OSBPL10: variants seen among roughly 807,000 people sequenced by gnomAD.
OSBPL10 encodes the protein oxysterol-binding protein-related protein 10.
OSBPL10 carries 49 observed loss-of-function variants against 81.7 expected under a neutral mutation model. That is an observed-to-expected ratio of 0.60 (90% CI 0.48 to 0.76). OSBPL10 has a LOEUF of 0.76. Ranked by LOEUF, OSBPL10 falls within the 30% of genes least tolerant of loss-of-function variation. OSBPL10 has a pLI of 0.00. For missense variants in OSBPL10, 923 were observed against 987.8 expected, an observed-to-expected ratio of 0.93 and a Z score of 0.88; for synonymous variants, 419 against 383.6, an observed-to-expected ratio of 1.09 and a Z score of -1.08.
intron 1 of OSBPL10, among the ~76,000 whole-genome samples, chr3:31,948,521 C>T (rs555510150): frequency 2.6e-5 from 4 of 152,294 alleles, no homozygotes; most frequent in East Asian, 1.9e-4. Context: ...TGAATCTCCA[C>T]GACCACACTC....
At chr3:31,700,343 C>T (rs1437547597) in intron 7 of OSBPL10, 2 of 152,090 alleles carry the variant, frequency 1.3e-5, no homozygotes, top group African/African-American at 4.8e-5. Context: ...ACAGGAATAA[C>T]GTGAAGTCGC....
At chr3:31,720,881 C>CAAAAAAAAAAAAAAAAAA (rs61492992) in intron 6 of OSBPL10, among the ~76,000 whole-genome samples, 2 of 66,308 alleles carry the variant, frequency 3.0e-5, no homozygotes, top group Non-Finnish European at 5.7e-5. Flanking sequence ...GACTCTGTCT[C>CAAAAAAAAAAAAAAAAAA]AAAAAAAAAA....
intron 1 of OSBPL10, among the ~76,000 whole-genome samples, chr3:31,930,234 T>G (rs1252606938): frequency 6.6e-6 from 1 of 152,106 alleles, no homozygotes; most frequent in Non-Finnish European, 1.5e-5. Flanking sequence ...GGCCCCTTGA[T>G]GTATGAAAAC....
chr3:31,980,916 G>T lies in OSBPL10; in HGVS notation c.264C>A (p.Leu88=). 1 of 1,579,288 alleles carries T rather than the reference G, an allele frequency of 6.3e-7. No homozygotes were observed. The highest frequency in any genetic ancestry group is 8.6e-7 in the Non-Finnish European group (1 of 1,166,092). The part of the protein sequence containing the change: ...EGVLSKYTNL[L]QGWQNRYFVL... Reference sequence around the variant, plus strand: ...CGCGTTACCTGTTCTGCCAGCCCTGGAGGAGGTTGGTGTATTTGCTGAGCA... The same window carrying T: ...CGCGTTACCTGTTCTGCCAGCCCTGTAGGAGGTTGGTGTATTTGCTGAGCA... Residue 88 remains leucine (L), a synonymous_variant, in exon 1 of 12, where the codon CTC becomes CTA. Transcript: ENST00000396556.
At chr3:31,950,748 T>C (rs1370367265) in intron 1 of OSBPL10, among the ~76,000 whole-genome samples, 7 of 152,182 alleles carry the variant, frequency 4.6e-5, no homozygotes, top group Admixed American at 2.6e-4. Context: ...GTTCTCACTC[T>C]GTTAGTTCTG....
chr3:32,027,168 C>G (rs1699423429), intron 2 of OSBPL10, among the ~76,000 whole-genome samples: 1 of 152,066 alleles, frequency 6.6e-6, no homozygotes, highest in Non-Finnish European at 1.5e-5. Context: ...CCCTAATGCT[C>G]TCCCTCCCTT....
intron 2 of OSBPL10, among the ~76,000 whole-genome samples, chr3:32,020,244 C>G (rs1239702087): frequency 6.6e-6 from 1 of 152,192 alleles, no homozygotes; most frequent in Non-Finnish European, 1.5e-5. Flanking sequence ...GTTGTACAAT[C>G]GTCACCACAT....
chr3:31,922,157 T>C (rs1696935912), intron 1 of OSBPL10, among the ~76,000 whole-genome samples: 1 of 152,110 alleles, frequency 6.6e-6, no homozygotes, highest in African/African-American at 2.4e-5. Context: ...AAAAGGAACA[T>C]TGGATAAAAA....
chr3:31,665,274 A>G lies in OSBPL10; in HGVS notation c.2097-1042T>C, dbSNP rs563200571. ...ACCACCCAAGCACTTCCTCACTTAA[A>G]TGCATCAGAAGGTCGGATTTCACAG... On this transcript the variant is annotated intron_variant, in intron 10 of 11. Coordinates refer to ENST00000396556, the MANE Select transcript of OSBPL10 (RefSeq NM_017784.5). 3.0e-4 allele frequency among the ~76,000 whole-genome samples: 45 copies of G among 152,278 alleles called. No individual in the cohort carries two copies. The South Asian group carries it at 9.1e-3, about 31-fold the overall frequency.
At chr3:31,774,021 G>T (rs1340760428) in intron 4 of OSBPL10, among the ~76,000 whole-genome samples, 2 of 152,126 alleles carry the variant, frequency 1.3e-5, no homozygotes, top group African/African-American at 4.8e-5. Flanking sequence ...GATTAGCCGG[G>T]CGTGGTGGCA....
intron 4 of OSBPL10, among the ~76,000 whole-genome samples, chr3:31,827,362 C>T (rs942069716): frequency 6.6e-6 from 1 of 152,094 alleles, no homozygotes; most frequent in Non-Finnish European, 1.5e-5. Context: ...TCTGGCCAGC[C>T]GCAGTGGCTC....
intron 4 of OSBPL10, among the ~76,000 whole-genome samples, chr3:31,771,467 G>C (rs1041280812): frequency 2.0e-5 from 3 of 152,144 alleles, no homozygotes; most frequent in African/African-American, 7.2e-5. Flanking sequence ...TTTGAAGCAT[G>C]ACAAGATAAA....
chr3:31,778,683 T>C (rs1355524074), intron 4 of OSBPL10, among the ~76,000 whole-genome samples: 1 of 151,798 alleles, frequency 6.6e-6, no homozygotes, highest in Non-Finnish European at 1.5e-5. Flanking sequence ...GATCTAGACA[T>C]CCAAATACAA....
chr3:31,766,719 G>A (rs572369315), intron 4 of OSBPL10, among the ~76,000 whole-genome samples: 2 of 152,278 alleles, frequency 1.3e-5, no homozygotes, highest in East Asian at 3.9e-4. Flanking sequence ...CACAAGATTT[G>A]TAGGTCAACT....
chr3:31,847,617 G>A (rs916078565), intron 3 of OSBPL10, among the ~76,000 whole-genome samples: 1 of 152,072 alleles, frequency 6.6e-6, no homozygotes, highest in Admixed American at 6.6e-5. Context: ...CCAAATGAGT[G>A]GTTAAGACAT....
chr3:32,064,869 G>T (rs925184069), intron 1 of OSBPL10: 1 of 92,576 alleles, frequency 1.1e-5, no homozygotes, highest in Non-Finnish European at 2.9e-5. Context: ...GTGTTTTTTT[G>T]TTTTTTTCCC....
intron 1 of OSBPL10, among the ~76,000 whole-genome samples, chr3:31,899,356 G>A (rs1355772715): frequency 2.0e-5 from 3 of 151,876 alleles, no homozygotes; most frequent in African/African-American, 7.3e-5. Context: ...ATAAACAAAA[G>A]AATAAAAATG....
At position 32,054,306 on chromosome 3, in the gene OSBPL10, G is replaced by A. The variant is rs75203906; in HGVS notation, n.186-7703C>T. Reference sequence around the variant, plus strand: ...CCTAAAGTCCAAAAGAGACATATTTGGCTTATTTGGTATAAAAATCACACA... The same window carrying A: ...CCTAAAGTCCAAAAGAGACATATTTAGCTTATTTGGTATAAAAATCACACA... On this transcript the variant is annotated intron_variant and non_coding_transcript_variant, in intron 1 of 3. Coordinates refer to the OSBPL10 transcript ENST00000479173. Among the ~76,000 whole-genome samples, 735 of 152,092 alleles carry A rather than the reference G, an allele frequency of 4.8e-3. 18 individuals carry two copies. In the East Asian group the frequency reaches 0.089, roughly 18 times the overall value.
intron 2 of OSBPL10, among the ~76,000 whole-genome samples, chr3:32,013,397 G>A (rs1030021439): frequency 3.9e-5 from 6 of 152,042 alleles, no homozygotes; most frequent in African/African-American, 7.2e-5. Context: ...TGAAACCAAC[G>A]AGAACAAAGA....
Sources: allele counts gnomAD v4.1 joint callset (sites outside exome capture counted in the v4.1 genomes callset), GRCh38; gene constraint gnomAD v4.1.1; transcripts MANE v1.5; gene names NCBI Gene and HGNC (gene_info 2026-07-23, HGNC 2026-07-21).